IPO5: variants seen among roughly 807,000 people sequenced by gnomAD.
The protein encoded by IPO5 is importin 5, also known as importin-5.
Under a neutral mutation model 143.3 loss-of-function variants are expected in IPO5, and 18 were observed. The observed-to-expected ratio is 0.13, with a 90% CI of 0.09 to 0.19. The LOEUF (loss-of-function observed/expected upper bound fraction) is 0.19, where lower values mean the gene tolerates loss of function less well. IPO5 is among the 10% of genes least tolerant of loss of function. The pLI is 1.00. For synonymous variants in IPO5, 477 were observed against 465.7 expected (o/e 1.02, Z -0.31); for missense variants, 1,013 against 1,336.9 (o/e 0.76, Z 3.78).
chr13:97,966,791 C>T (rs1240818778), intron 2 of IPO5, among the ~76,000 whole-genome samples: 7 of 152,176 alleles, frequency 4.6e-5, no homozygotes, highest in African/African-American at 1.7e-4. Flanking sequence ...GTAGTCAAAG[C>T]ACTTTGAGAG....
chr13:98,015,695 C>T (rs1890079177), intron 23 of IPO5, 31 bp from the exon 24 acceptor site: 1 of 1,592,214 alleles, frequency 6.3e-7, no homozygotes, highest in Non-Finnish European at 8.6e-7. Context: ...TCTTGGCAAT[C>T]ATTTAAAACA....
chr13:97,975,052 C>T (rs572116231), intron 3 of IPO5, among the ~76,000 whole-genome samples: 9 of 152,314 alleles, frequency 5.9e-5, no homozygotes, highest in South Asian at 4.1e-4. Flanking sequence ...AGCAGAATAG[C>T]CAACAGGAAA....
Position 98,006,268 on chromosome 13 carries a change from G to A in IPO5, c.1636G>A (p.Val546Ile), listed in dbSNP as rs772461426. 26 of 1,605,660 alleles carry A rather than the reference G, an allele frequency of 1.6e-5. No homozygotes were observed. In the South Asian group the frequency reaches 2.7e-4, roughly 17 times the overall value. The change falls in exon 17 of 29, where the codon GTT (valine) becomes ATT (isoleucine). Residue 546 changes from valine to isoleucine, a missense_variant. By Grantham distance (29) the Val-to-Ile change is conservative. This residue lies in a region of IPO5 where 685 missense variants were observed against 994.9 expected (regional missense o/e 0.69). Coordinates refer to ENST00000651721, the MANE Select transcript of IPO5 (RefSeq NM_002271.6). Reference protein sequence around the residue: ...PSLKHIVENAVQKELRLLRGK... With the variant: ...PSLKHIVENAIQKELRLLRGK... ...ACTGAAGCACATCGTTGAGAATGCG[G>A]TTCAAAAAGAACTGAGACTTCTGAG...
intron 2 of IPO5, among the ~76,000 whole-genome samples, chr13:97,969,169 ATATATATTTTTTTT>A (rs1435731227): frequency 1.4e-4 from 10 of 72,300 alleles, no homozygotes; most frequent in African/African-American, 7.4e-4. Flanking sequence ...ATATATATAT[ATATATATTTTTTTT>A]TTTTTTTTTT....
intron 4 of IPO5, among the ~76,000 whole-genome samples, chr13:97,979,430 A>G (rs1384464511): frequency 2.0e-5 from 3 of 152,188 alleles, no homozygotes; most frequent in Non-Finnish European, 4.4e-5. Flanking sequence ...AAAAATCTGT[A>G]AGGATATTTC....
chr13:98,023,129 A>G lies in IPO5; in HGVS notation c.*1307A>G, dbSNP rs1890590081. ...AAATCTGAAATGGAATAGAAAATAG[A>G]ATGGATTACATACAGATGGTTTCCT... On this transcript the variant is annotated 3_prime_UTR_variant, in exon 29 of 29. Coordinates refer to ENST00000651721, the MANE Select transcript of IPO5 (RefSeq NM_002271.6). The G allele has an allele frequency of 6.6e-6, 1 of 152,670 alleles. No individual in the cohort carries two copies. The highest frequency in any genetic ancestry group is 1.5e-5 in the Non-Finnish European group (1 of 68,050). 9.5% of individuals were successfully genotyped at this position (152,670 alleles called of 1,614,324 possible). A position where few individuals can be genotyped will look rare whatever the true frequency, so the allele number is the denominator to read the frequency against.
intron 2 of IPO5, among the ~76,000 whole-genome samples, chr13:97,963,516 T>A (rs1045330654): frequency 6.6e-6 from 1 of 151,880 alleles, no homozygotes; most frequent in Non-Finnish European, 1.5e-5. Flanking sequence ...ACTACAGGCA[T>A]GCACCCTCAC....
intron 3 of IPO5, chr13:97,975,823 G>C (rs1167266369): frequency 1.6e-5 from 10 of 626,162 alleles, no homozygotes; most frequent in African/African-American, 2.0e-5. Flanking sequence ...ATCCGAAGAC[G>C]ACCGCGGGCT....
intron 2 of IPO5, among the ~76,000 whole-genome samples, chr13:97,955,243 A>G (rs1884378874): frequency 1.3e-5 from 2 of 151,400 alleles, no homozygotes; most frequent in African/African-American, 4.9e-5. Flanking sequence ...AAAAAAAAAG[A>G]AAAATACCTA....
intron 6 of IPO5, chr13:97,988,152 T>C (rs1442674818): frequency 1.9e-5 from 3 of 160,802 alleles, no homozygotes; most frequent in South Asian, 1.6e-4. Context: ...CAGAGTCTTA[T>C]AAGTGGCACA....
At position 97,989,991 on chromosome 13, in the gene IPO5, G is replaced by A; in HGVS notation, c.468-135G>A. 2 of 613,604 alleles carry A rather than the reference G, an allele frequency of 3.3e-6. 1 individual carries two copies. The highest frequency in any genetic ancestry group is 4.2e-5 in the South Asian group (2 of 47,528). The allele number at this position is 613,604 out of a possible 1,614,324, so 38.0% of individuals were successfully genotyped here. A position where few individuals can be genotyped will look rare whatever the true frequency, so the allele number is the denominator to read the frequency against. Reference sequence around the variant, plus strand: ...CAAAAACAGGATTGCTTAGAGAATGGGTAGATGATGTTCAACCTATGGATT... The same window carrying A: ...CAAAAACAGGATTGCTTAGAGAATGAGTAGATGATGTTCAACCTATGGATT... On this transcript the variant is annotated intron_variant, in intron 7 of 28. Coordinates refer to ENST00000651721, the MANE Select transcript of IPO5 (RefSeq NM_002271.6).
chr13:98,011,012 C>A (rs1419355069), intron 20 of IPO5, among the ~76,000 whole-genome samples: 1 of 151,744 alleles, frequency 6.6e-6, no homozygotes, highest in African/African-American at 2.4e-5. Flanking sequence ...AACTCCTGAC[C>A]TCAGGTGATC....
At chr13:98,008,224 G>C (rs2139811127) in intron 18 of IPO5, 82 bp downstream of exon 18, 1 of 803,408 alleles carries the variant, frequency 1.2e-6, no homozygotes. Flanking sequence ...AACAAAAGGA[G>C]TGATAGGTTT....
chr13:97,978,664 C>A (rs534241015), intron 4 of IPO5, among the ~76,000 whole-genome samples: 6 of 152,206 alleles, frequency 3.9e-5, no homozygotes, highest in African/African-American at 1.2e-4. Context: ...TAGAAATTTT[C>A]ATGTGTTACA....
chr13:98,006,357 T>TTTTTTTTTA lies in IPO5; in HGVS notation c.1716+17_1716+18insATTTTTTTT. The TTTTTTTTTA allele has an allele frequency of 2.2e-5, 2 of 90,326 alleles. No homozygotes were observed. Among genetic ancestry groups the TTTTTTTTTA allele is most frequent in the Non-Finnish European group, 1.6e-5 (1 of 62,290 alleles). 5.6% of individuals were successfully genotyped at this position (90,326 alleles called of 1,614,324 possible). On this transcript the variant is annotated intron_variant, in intron 17 of 28. Coordinates refer to ENST00000651721, the MANE Select transcript of IPO5 (RefSeq NM_002271.6). The stretch of plus-strand genomic sequence containing the variant: ...CTGTTGGGAAGGAAAAAGTAAGTAA[T>TTTTTTTTTA]TTTTTTTTTTTTTTTTTTTTTTTTT...
intron 2 of IPO5, among the ~76,000 whole-genome samples, chr13:97,962,115 T>A (rs1884935250): frequency 6.6e-6 from 1 of 152,162 alleles, no homozygotes. Context: ...GGTGACAGAG[T>A]GAGACTTTGT....
intron 5 of IPO5, among the ~76,000 whole-genome samples, chr13:97,983,965 C>CTTTTTTT (rs71117684): frequency 0.013 from 582 of 45,884 alleles, 142 homozygotes; most frequent in Non-Finnish European, 0.017. Flanking sequence ...AGGGTAACTT[C>CTTTTTTT]TTTTTTTTTT....
chr13:97,990,337 T>G, intron 8 of IPO5, 96 bp from the exon 9 acceptor site: 1 of 1,168,212 alleles, frequency 8.6e-7, no homozygotes, highest in African/African-American at 1.6e-5. Flanking sequence ...AACACCAGTT[T>G]TACTGATAAA....
chr13:97,973,836 A>G (rs112720875), intron 3 of IPO5, among the ~76,000 whole-genome samples: 1 of 152,156 alleles, frequency 6.6e-6, no homozygotes, highest in African/African-American at 2.4e-5. Flanking sequence ...TTGGGAGGCC[A>G]AAGTGGGAGG....
Sources: allele counts gnomAD v4.1 joint callset (sites outside exome capture counted in the v4.1 genomes callset), GRCh38; gene constraint gnomAD v4.1.1; regional missense constraint gnomAD v4.1.1; transcripts MANE v1.5; gene names NCBI Gene and HGNC (gene_info 2026-07-23, HGNC 2026-07-21).